The following BRME1 variants were observed in gnomAD, a reference collection of about 807,000 sequenced individuals.
BRME1 encodes BRCA2 and MEILB2-associating protein 1.
Under a neutral mutation model 52.6 loss-of-function variants are expected in BRME1, and 31 were observed. The observed-to-expected ratio is 0.59, with a 90% CI of 0.44 to 0.80. The LOEUF is 0.80. BRME1 is among the 30% of genes least tolerant of loss of function. BRME1 has a pLI of 0.00. For missense variants in BRME1, 804 were observed against 860.3 expected, an observed-to-expected ratio of 0.93 and a Z score of 0.82; for synonymous variants, 359 against 353.6, an observed-to-expected ratio of 1.02 and a Z score of -0.17.
chr19:13,899,163 T>TA, intron 2 of BRME1, among the ~76,000 whole-genome samples: 1 of 151,158 alleles, frequency 6.6e-6, no homozygotes, highest in South Asian at 2.1e-4. Context: ...TTTTTTTTTT[T>TA]TTTGAGATGG....
At chr19:13,903,391 G>C (rs1371967031) in intron 2 of BRME1, among the ~76,000 whole-genome samples, 1 of 152,030 alleles carries the variant, frequency 6.6e-6, no homozygotes, top group Non-Finnish European at 1.5e-5. Context: ...AAAGTCTCTA[G>C]GCCGGGCACG....
In BRME1 at chr19:13,882,442, T is replaced by A; in HGVS notation, c.*360A>T. The A allele has an allele frequency of 2.4e-6, 1 of 413,728 alleles. No homozygotes were observed. The highest frequency in any genetic ancestry group is 4.3e-6 in the Non-Finnish European group (1 of 235,112). 25.6% of individuals were successfully genotyped at this position (413,728 alleles called of 1,614,324 possible). On this transcript the variant is annotated 3_prime_UTR_variant, in exon 9 of 9. Coordinates refer to ENST00000586783, the MANE Select transcript of BRME1 (RefSeq NM_001345843.2). Reference sequence around the variant, plus strand: ...GAAAACAAAGGGAGCTCTCTTCTCCTCCAGGAAAGAAACAAATTCTGAACC... The same window carrying A: ...GAAAACAAAGGGAGCTCTCTTCTCCACCAGGAAAGAAACAAATTCTGAACC...
At chr19:13,887,546 C>T (rs934860921) in intron 6 of BRME1, among the ~76,000 whole-genome samples, 19 of 152,222 alleles carry the variant, frequency 1.2e-4, no homozygotes, top group Non-Finnish European at 8.8e-5. Flanking sequence ...CACCTAGGCA[C>T]ACCTGGCCCC....
chr19:13,904,970 C>G, intron 1 of BRME1, 57 bp from the exon 2 acceptor site: 1 of 1,455,512 alleles, frequency 6.9e-7, no homozygotes, highest in Non-Finnish European at 9.6e-7. Flanking sequence ...TGTTTATATC[C>G]AGTGGCTTTG....
At chr19:13,897,635 G>A (rs1378728292) in intron 2 of BRME1, among the ~76,000 whole-genome samples, 2 of 152,188 alleles carry the variant, frequency 1.3e-5, no homozygotes, top group African/African-American at 4.8e-5. Flanking sequence ...GGAGGCCGAG[G>A]CAGGTGGATT....
rs2145138595 is a variant in BRME1, at chr19:13,888,836, A to G, written c.1668+352T>C. ...TCTCCATCTGTGTCTACCCGCCTCAATACATCCCCTGGGACCCCACGGCCA... is the reference window on the plus strand; with the variant it reads ...TCTCCATCTGTGTCTACCCGCCTCAGTACATCCCCTGGGACCCCACGGCCA... On this transcript the variant is annotated intron_variant, in intron 6 of 8. Transcript: ENST00000586783. The surrounding 1 kb of genome is among the most constrained non-coding windows in gnomAD (Gnocchi z 4.1). 6.6e-6 allele frequency among the ~76,000 whole-genome samples: 1 copy of G among 152,142 alleles called. No individual in the cohort carries two copies.
rs144452246 is a variant in BRME1 at position 13,889,435 on chromosome 19, C to A, written c.1421G>T (p.Arg474Leu). ...CACAACAGAGGCTTGCGGGGACACA[C>A]GGAACCCCTCGAGGTCTCGTTCGAG... ...QNLERDLEGF[R>L]VSPQASVVLE... Residue 474 changes from arginine (R) to leucine (L), a missense_variant, in exon 6 of 9, where the codon CGT becomes CTT. Arg to Leu is a moderately radical substitution (Grantham distance 102). Coordinates refer to ENST00000586783, the MANE Select transcript of BRME1 (RefSeq NM_001345843.2). 1.2e-6 allele frequency: 2 copies of A among 1,613,984 alleles called. No homozygotes were observed. The highest frequency in any genetic ancestry group is 1.1e-5 in the South Asian group (1 of 91,092).
chr19:13,895,623 A>T, intron 2 of BRME1, 77 bp from the exon 3 acceptor site: 1 of 1,341,544 alleles, frequency 7.5e-7, no homozygotes, highest in Non-Finnish European at 1.0e-6. Context: ...GGTCTCCCCC[A>T]CTACAACCAG....
chr19:13,883,488 C>T lies in BRME1; in HGVS notation c.1764-88G>A, dbSNP rs568280738. 1.5e-5 allele frequency: 15 copies of T among 996,894 alleles called. No individual in the cohort carries two copies. Among genetic ancestry groups the T allele is most frequent in the East Asian group, 2.7e-5 (1 of 37,688 alleles). The allele number at this position is 996,894 out of a possible 1,614,324, so 61.8% of individuals were successfully genotyped here. A position where few individuals can be genotyped will look rare whatever the true frequency, so the allele number is the denominator to read the frequency against. On this transcript the variant is annotated intron_variant, in intron 7 of 8. Coordinates refer to ENST00000586783, the MANE Select transcript of BRME1 (RefSeq NM_001345843.2). This position sits in a 1 kb window ranked among gnomAD's most constrained non-coding sequence, Gnocchi z 4.2. Reference sequence around the variant, plus strand: ...TGGGAGGGGCTTCCGCAGGGCCTCGCGCCATCTTTTCCAGGTGTCCAGCCT... The same window carrying T: ...TGGGAGGGGCTTCCGCAGGGCCTCGTGCCATCTTTTCCAGGTGTCCAGCCT...
intron 2 of BRME1, among the ~76,000 whole-genome samples, chr19:13,899,969 T>G (rs1437796195): frequency 6.6e-6 from 1 of 152,132 alleles, no homozygotes; most frequent in African/African-American, 2.4e-5. Flanking sequence ...ACCACTGCAC[T>G]CCAGCCTGGG....
intron 2 of BRME1, among the ~76,000 whole-genome samples, chr19:13,904,484 C>T (rs139649649): frequency 1.4e-4 from 22 of 152,080 alleles, no homozygotes; most frequent in African/African-American, 5.1e-4. Context: ...CTCTGTTGCC[C>T]AGGCTAGAGT....
At chr19:13,899,532 C>A (rs540770096) in intron 2 of BRME1, among the ~76,000 whole-genome samples, 2 of 152,092 alleles carry the variant, frequency 1.3e-5, no homozygotes, top group Admixed American at 6.6e-5. Flanking sequence ...GCTTAGCTCT[C>A]GCTGAGAGAA....
Position 13,890,204 on chromosome 19 carries a change from CG to C in BRME1, c.651del (p.Asp218MetfsTer125), listed in dbSNP as rs1365606093. On this transcript the variant is annotated frameshift_variant, in exon 6 of 9. Coordinates refer to ENST00000586783, the MANE Select transcript of BRME1 (RefSeq NM_001345843.2). LOFTEE classifies it high-confidence loss of function. ...CTGTCTGTCTCAGGCTTGCTGTCAT[CG>C]GCCCCTTGTTCTGACAGGTGGTCTT... ...ASQDHLSEQG[A>X]DDSKPETDRV... 3 of 1,614,116 alleles carry C rather than the reference CG, an allele frequency of 1.9e-6. No individual in the cohort carries two copies. In the African/African-American group the frequency reaches 4.0e-5, roughly 22 times the overall value.
At position 13,889,767 on chromosome 19, in the gene BRME1, G is replaced by A. The variant is rs758482140; in HGVS notation, c.1089C>T (p.Ala363=). 6.2e-7 allele frequency: 1 copy of A among 1,611,292 alleles called. No homozygotes were observed. The highest frequency in any genetic ancestry group is 8.5e-7 in the Non-Finnish European group (1 of 1,179,648). Reference sequence around the variant, plus strand: ...TGGGAGAGGCAGGTGATATGGCACTGGCCTGCCCATCGGGCCCAGCCACCT... The same window carrying A: ...TGGGAGAGGCAGGTGATATGGCACTAGCCTGCCCATCGGGCCCAGCCACCT... ...ALEVAGPDGQ[A]SAISPASPRR... Residue 363 remains alanine, a synonymous_variant, in exon 6 of 9, where the codon GCC becomes GCT. Transcript: ENST00000586783.
At chr19:13,895,818 G>A (rs1969848891) in intron 2 of BRME1, among the ~76,000 whole-genome samples, 1 of 152,210 alleles carries the variant, frequency 6.6e-6, no homozygotes, top group Non-Finnish European at 1.5e-5. Flanking sequence ...CTGCAAAATA[G>A]CCATCCTGGG....
chr19:13,894,409 C>T (rs1038457344), intron 3 of BRME1, among the ~76,000 whole-genome samples: 4 of 152,124 alleles, frequency 2.6e-5, no homozygotes, highest in Non-Finnish European at 5.9e-5. Flanking sequence ...CCTTTCATCC[C>T]AGCTACTCAG....
intron 2 of BRME1, among the ~76,000 whole-genome samples, chr19:13,901,793 C>T (rs1386104980): frequency 1.3e-5 from 2 of 151,824 alleles, no homozygotes; most frequent in Non-Finnish European, 2.9e-5. Flanking sequence ...ATTCTGAGCA[C>T]ATTGGGAGGC....
rs747856177 is a variant in BRME1 at position 13,892,825 on chromosome 19, C to T, written c.354G>A (p.Glu118=). Residue 118 remains glutamate (E), a synonymous_variant, in exon 5 of 9, where the codon GAG becomes GAA. Transcript: ENST00000586783. Reference sequence around the variant, plus strand: ...CACTCCCACGGTCCTCATCCTTCATCTCTTCTTTTCTTGTCACTGTCTTCC... The same window carrying T: ...CACTCCCACGGTCCTCATCCTTCATTTCTTCTTTTCTTGTCACTGTCTTCC... ...KSRKTVTRKE[E]MKDEDRGSGA... 1 of 1,614,200 alleles carries T rather than the reference C, an allele frequency of 6.2e-7. No homozygotes were observed. The highest frequency in any genetic ancestry group is 8.5e-7 in the Non-Finnish European group (1 of 1,180,010).
In BRME1 at chr19:13,892,643, T is replaced by C. The variant is rs79007208; in HGVS notation, c.393+143A>G. The stretch of plus-strand genomic sequence containing the variant: ...TTGTTGCATAGTCAACACACATCCA[T>C]AGCGCAATGTACTGAAAACGGTGGG... On this transcript the variant is annotated intron_variant, in intron 5 of 8. Coordinates refer to ENST00000586783, the MANE Select transcript of BRME1 (RefSeq NM_001345843.2). 2.4e-4 allele frequency: 149 copies of C among 632,148 alleles called. 1 individual carries two copies. The East Asian group carries it at 3.9e-3, about 16-fold the overall frequency. The allele number at this position is 632,148 out of a possible 1,614,324, so 39.2% of individuals were successfully genotyped here. A position where few individuals can be genotyped will look rare whatever the true frequency, so the allele number is the denominator to read the frequency against.
Sources: allele counts gnomAD v4.1 joint callset (sites outside exome capture counted in the v4.1 genomes callset), GRCh38; gene constraint gnomAD v4.1.1; non-coding constraint Gnocchi (gnomAD v3.1); transcripts MANE v1.5; gene names NCBI Gene and HGNC (gene_info 2026-07-23, HGNC 2026-07-21).